The following VTI1A variants were observed in gnomAD, a reference collection of about 807,000 sequenced individuals.
VTI1A encodes vesicle transport through interaction with t-SNAREs 1A, also known as vesicle transport through interaction with t-SNAREs homolog 1A.
Under a neutral mutation model 34.9 loss-of-function variants are expected in VTI1A, and 22 were observed. That is an observed-to-expected ratio of 0.63 (90% CI 0.45 to 0.90). VTI1A has a LOEUF of 0.90. Ranked by LOEUF, VTI1A falls within the 40% of genes least tolerant of loss-of-function variation. The probability of loss-of-function intolerance (pLI) is 0.00; values close to 1 mark genes in which losing one functional copy is unlikely to be tolerated. For synonymous variants in VTI1A, 87 were observed against 97.3 expected, an observed-to-expected ratio of 0.89 and a Z score of 0.62; for missense variants, 268 against 275.6, an observed-to-expected ratio of 0.97 and a Z score of 0.20.
At chr10:112,734,522 C>A in intron 7 of VTI1A, among the ~76,000 whole-genome samples, 1 of 152,098 alleles carries the variant, frequency 6.6e-6, no homozygotes. Flanking sequence ...CCTATCACAG[C>A]CAGTCTTTAA....
intron 7 of VTI1A, among the ~76,000 whole-genome samples, chr10:112,757,215 T>G (rs1851312635): frequency 2.0e-5 from 3 of 151,976 alleles, no homozygotes; most frequent in Admixed American, 2.0e-4. Flanking sequence ...ATAACTTCCA[T>G]GACACAAAAT....
intron 7 of VTI1A, among the ~76,000 whole-genome samples, chr10:112,802,619 TTGC>T (rs1218949381): frequency 4.6e-5 from 7 of 152,242 alleles, no homozygotes; most frequent in Non-Finnish European, 8.8e-5. Context: ...GCAGTGGATG[TTGC>T]TGCAGCCGCA....
At chr10:112,510,989 A>G (rs975635567) in intron 3 of VTI1A, among the ~76,000 whole-genome samples, 7 of 152,152 alleles carry the variant, frequency 4.6e-5, no homozygotes, top group Admixed American at 4.6e-4. Context: ...GATTTATTTG[A>G]TATTCACTAA....
intron 7 of VTI1A, among the ~76,000 whole-genome samples, chr10:112,682,147 G>C (rs1040561931): frequency 2.0e-5 from 3 of 152,052 alleles, no homozygotes; most frequent in African/African-American, 2.4e-5. Flanking sequence ...TATTCACTGG[G>C]GTTTTTATGT....
chr10:112,465,610 A>G (rs1847870599), intron 3 of VTI1A, among the ~76,000 whole-genome samples: 1 of 152,244 alleles, frequency 6.6e-6, no homozygotes, highest in South Asian at 2.1e-4. Flanking sequence ...AGTCACTCAC[A>G]AAGACAAATA....
chr10:112,636,492 G>A (rs768119410), intron 5 of VTI1A, among the ~76,000 whole-genome samples: 8 of 152,108 alleles, frequency 5.3e-5, no homozygotes, highest in Non-Finnish European at 8.8e-5. Flanking sequence ...TTGGGAGGCC[G>A]AGGTGGATGG....
intron 7 of VTI1A, chr10:112,672,763 G>A (rs1357081811): frequency 2.6e-5 from 4 of 151,844 alleles, no homozygotes; most frequent in African/African-American, 4.8e-5. Flanking sequence ...TCAAACTGTC[G>A]GCAATCTGTA....
chr10:112,571,007 T>C (rs1467447721), intron 5 of VTI1A, among the ~76,000 whole-genome samples: 2 of 152,262 alleles, frequency 1.3e-5, no homozygotes, highest in East Asian at 1.9e-4. Flanking sequence ...TCAGCTAATA[T>C]TTATTGAGCA....
chr10:112,794,759 A>G (rs1852615514), intron 7 of VTI1A, among the ~76,000 whole-genome samples: 1 of 152,150 alleles, frequency 6.6e-6, no homozygotes, highest in Non-Finnish European at 1.5e-5. Context: ...CAAGAAAATT[A>G]GTGGTCCTAA....
At chr10:112,492,737 A>G (rs1848873066) in intron 3 of VTI1A, among the ~76,000 whole-genome samples, 1 of 151,898 alleles carries the variant, frequency 6.6e-6, no homozygotes, top group Non-Finnish European at 1.5e-5. Flanking sequence ...TAGTGAGCCA[A>G]GACCACGCCA....
chr10:112,544,626 A>G (rs1188760876), intron 5 of VTI1A, among the ~76,000 whole-genome samples: 1 of 140,690 alleles, frequency 7.1e-6, no homozygotes, highest in African/African-American at 2.8e-5. Context: ...CCGCCTCCAG[A>G]AAAAAAAAAA....
chr10:112,448,157 T>C (rs1238710955), intron 1 of VTI1A, among the ~76,000 whole-genome samples: 1 of 152,220 alleles, frequency 6.6e-6, no homozygotes, highest in African/African-American at 2.4e-5. Context: ...GTAGATTAAA[T>C]TTATATAACA....
intron 4 of VTI1A, chr10:112,527,538 T>C (rs1189010678): frequency 6.5e-6 from 1 of 154,418 alleles, no homozygotes; most frequent in Non-Finnish European, 1.4e-5. Flanking sequence ...TATAATTAAA[T>C]CAACACTTGC....
At chr10:112,644,139 G>C (rs772213500) in intron 5 of VTI1A, among the ~76,000 whole-genome samples, 1 of 152,156 alleles carries the variant, frequency 6.6e-6, no homozygotes, top group African/African-American at 2.4e-5. Flanking sequence ...AACCCAGCAC[G>C]GATGTAGTTT....
In VTI1A at chr10:112,491,270, T is replaced by A. The variant is rs12266782; in HGVS notation, c.264+26613T>A. On this transcript the variant is annotated intron_variant, in intron 3 of 7. Coordinates refer to ENST00000393077, the MANE Select transcript of VTI1A (RefSeq NM_145206.4). ...TGATAGAGCATTTTTGTTTTAACAATCCTTGGAAAAGTGTAATGGAAATAA... is the reference window on the plus strand; with the variant it reads ...TGATAGAGCATTTTTGTTTTAACAAACCTTGGAAAAGTGTAATGGAAATAA... Among the ~76,000 whole-genome samples the A allele has an allele frequency of 7.7e-3, 1,177 of 152,330 alleles. 18 individuals carry two copies. The highest frequency in any genetic ancestry group is 0.027 in the African/African-American group (1,123 of 41,578).
At chr10:112,600,329 T>C (rs1255385031) in intron 5 of VTI1A, among the ~76,000 whole-genome samples, 1 of 152,228 alleles carries the variant, frequency 6.6e-6, no homozygotes, top group African/African-American at 2.4e-5. Context: ...TGATCAAAAC[T>C]GTCCAATGAC....
At chr10:112,821,391 G>C (rs1853651993), downstream of VTI1A, among the ~76,000 whole-genome samples, 1 of 152,168 alleles carries the variant, frequency 6.6e-6, no homozygotes, top group African/African-American at 2.4e-5. Context: ...GGGGAGCCCA[G>C]GCCCTCTCCA....
intron 7 of VTI1A, among the ~76,000 whole-genome samples, chr10:112,701,544 T>C (rs778417273): frequency 2.0e-5 from 3 of 152,212 alleles, no homozygotes; most frequent in Non-Finnish European, 4.4e-5. Flanking sequence ...GATCAAATGA[T>C]TGTATTTTAA....
intron 3 of VTI1A, among the ~76,000 whole-genome samples, chr10:112,465,440 G>C (rs1847864820): frequency 6.6e-6 from 1 of 152,176 alleles, no homozygotes; most frequent in African/African-American, 2.4e-5. Flanking sequence ...CACAATAGCA[G>C]AGAGGTGGAA....
Sources: allele counts gnomAD v4.1 joint callset (sites outside exome capture counted in the v4.1 genomes callset), GRCh38; gene constraint gnomAD v4.1.1; transcripts MANE v1.5; gene names NCBI Gene and HGNC (gene_info 2026-07-23, HGNC 2026-07-21).